Variants in TBC1D4 observed in about 807,000 individuals in gnomAD.
The protein encoded by TBC1D4 is TBC (Tre-2, BUB2, CDC16) domain-containing protein.
TBC1D4 carries 121 observed loss-of-function variants against 142.5 expected under a neutral mutation model. The observed-to-expected ratio is 0.85, with a 90% CI of 0.73 to 0.99. The LOEUF is 0.99. Among genes scored for constraint, TBC1D4 ranks in the 50% least tolerant of loss-of-function variants. The pLI is 0.00. For synonymous variants in TBC1D4, 630 were observed against 628.2 expected, an observed-to-expected ratio of 1.00 and a Z score of -0.04; for missense variants, 1,475 against 1,606.6, an observed-to-expected ratio of 0.92 and a Z score of 1.40.
intron 1 of TBC1D4, among the ~76,000 whole-genome samples, chr13:75,444,711 C>T (rs1222559395): frequency 2.6e-5 from 4 of 152,140 alleles, no homozygotes; most frequent in African/African-American, 9.6e-5. Flanking sequence ...AAGACAATAC[C>T]CCTGGCTCTG....
At chr13:75,399,363 T>TG (rs1198258879) in intron 1 of TBC1D4, among the ~76,000 whole-genome samples, 3 of 152,218 alleles carry the variant, frequency 2.0e-5, no homozygotes, top group African/African-American at 7.2e-5. Context: ...GACCAGTACC[T>TG]GTTCTACAGT....
At chr13:75,344,632 A>G (rs505675) in intron 5 of TBC1D4, among the ~76,000 whole-genome samples, 75,090 of 151,978 alleles carry the variant, frequency 0.49, 19,186 homozygotes, top group East Asian at 0.79. Flanking sequence ...GGGAAACAGC[A>G]TTCCCCTTCG....
At chr13:75,426,373 C>T (rs1886370677) in intron 1 of TBC1D4, among the ~76,000 whole-genome samples, 1 of 152,098 alleles carries the variant, frequency 6.6e-6, no homozygotes, top group Non-Finnish European at 1.5e-5. Context: ...TCAAAATAAC[C>T]ATAAGTGAAA....
chr13:75,379,885 C>CTTTTTTTTTT (rs1883718060), intron 1 of TBC1D4, among the ~76,000 whole-genome samples: 1 of 98,536 alleles, frequency 1.0e-5, no homozygotes. Flanking sequence ...GTTCATCTGA[C>CTTTTTTTTTT]TCTTTTTTTT....
chr13:75,366,477 T>G (rs1882916792), intron 1 of TBC1D4, among the ~76,000 whole-genome samples: 1 of 152,190 alleles, frequency 6.6e-6, no homozygotes, highest in South Asian at 2.1e-4. Context: ...TGATTAAACC[T>G]GAAGTAGTGT....
chr13:75,397,061 T>C (rs1210481107), intron 1 of TBC1D4, among the ~76,000 whole-genome samples: 1 of 151,950 alleles, frequency 6.6e-6, no homozygotes, highest in Non-Finnish European at 1.5e-5. Context: ...CTGAGGAGGA[T>C]CTAGGAAATG....
At position 75,285,015 on chromosome 13, in the gene TBC1D4, A is replaced by T. The variant is rs1282689108; in HGVS notation, c.*1777T>A. 3 of 151,914 alleles carry T rather than the reference A, an allele frequency of 2.0e-5. No homozygotes were observed. The highest frequency in any genetic ancestry group is 7.2e-5 in the African/African-American group (3 of 41,424). The allele number at this position is 151,914 out of a possible 1,614,324, so 9.4% of individuals were successfully genotyped here. A position where few individuals can be genotyped will look rare whatever the true frequency, so the allele number is the denominator to read the frequency against. On this transcript the variant is annotated 3_prime_UTR_variant, in exon 21 of 21. Transcript: ENST00000377636. ...CATCAACAGACCGTAAAAAGAAAAA[A>T]CCCCTCCTACAAATAGAGAAATTCT...
intron 1 of TBC1D4, among the ~76,000 whole-genome samples, chr13:75,415,469 A>G (rs987091024): frequency 6.6e-6 from 1 of 152,240 alleles, no homozygotes; most frequent in Non-Finnish European, 1.5e-5. Flanking sequence ...GAGTACTTCA[A>G]TCTCAGCATT....
In TBC1D4 at chr13:75,286,560, T is replaced by C. The variant is rs777942066; in HGVS notation, c.*232A>G. 1.4e-5 allele frequency: 6 copies of C among 437,238 alleles called. No homozygotes were observed. The highest frequency in any genetic ancestry group is 4.4e-5 in the South Asian group (1 of 22,830). 27.1% of individuals were successfully genotyped at this position (437,238 alleles called of 1,614,324 possible). ...GAAAGCATGAACTATGTTCATTTTATATATATATTTATATGTACATAGCAA... is the reference window on the plus strand; with the variant it reads ...GAAAGCATGAACTATGTTCATTTTACATATATATTTATATGTACATAGCAA... On this transcript the variant is annotated 3_prime_UTR_variant, in exon 21 of 21. Coordinates refer to ENST00000377636, the MANE Select transcript of TBC1D4 (RefSeq NM_014832.5).
At chr13:75,365,290 T>G (rs966564871) in intron 1 of TBC1D4, among the ~76,000 whole-genome samples, 1 of 151,950 alleles carries the variant, frequency 6.6e-6, no homozygotes, top group South Asian at 2.1e-4. Flanking sequence ...TTGAATGACA[T>G]GGGTTGCAGA....
intron 7 of TBC1D4, among the ~76,000 whole-genome samples, chr13:75,338,170 G>A (rs1031436096): frequency 5.3e-5 from 8 of 151,796 alleles, no homozygotes; most frequent in African/African-American, 1.7e-4. Flanking sequence ...AACTGAACTC[G>A]AGGCTTCAGC....
intron 12 of TBC1D4, among the ~76,000 whole-genome samples, chr13:75,317,667 C>T (rs1318513524): frequency 2.6e-5 from 4 of 152,178 alleles, no homozygotes; most frequent in African/African-American, 9.7e-5. Flanking sequence ...TCCCAAGATA[C>T]ATATTCAGGA....
At chr13:75,403,117 G>A (rs1029177043) in intron 1 of TBC1D4, among the ~76,000 whole-genome samples, 5 of 152,146 alleles carry the variant, frequency 3.3e-5, no homozygotes, top group African/African-American at 1.2e-4. Flanking sequence ...CAAACCAGCA[G>A]ACTGAACTGC....
intron 1 of TBC1D4, chr13:75,375,773 C>G (rs9565158): frequency 1.5e-5 from 2 of 133,838 alleles, no homozygotes; most frequent in South Asian, 4.7e-4. Flanking sequence ...CCCACCCCCC[C>G]CACACACACA....
At position 75,341,118 on chromosome 13, in the gene TBC1D4, T is replaced by C; in HGVS notation, c.1611+7A>G. ...AAAAGTAGGTGAAGTAGGAAATATCTTCTCACAGAAGGGCCTTCCCCGATG... is the reference window on the plus strand; with the variant it reads ...AAAAGTAGGTGAAGTAGGAAATATCCTCTCACAGAAGGGCCTTCCCCGATG... On this transcript the variant is annotated splice_region_variant and intron_variant, in intron 7 of 20. Coordinates refer to ENST00000377636, the MANE Select transcript of TBC1D4 (RefSeq NM_014832.5). The C allele has an allele frequency of 6.2e-7, 1 of 1,606,466 alleles. No individual in the cohort carries two copies. The highest frequency in any genetic ancestry group is 8.5e-7 in the Non-Finnish European group (1 of 1,174,280).
intron 11 of TBC1D4, among the ~76,000 whole-genome samples, chr13:75,321,955 C>T (rs550960001): frequency 6.6e-6 from 1 of 152,300 alleles, no homozygotes; most frequent in Non-Finnish European, 1.5e-5. Context: ...TGTATCATTC[C>T]ATTTATACAA....
chr13:75,395,640 G>A (rs1052176188), intron 1 of TBC1D4, among the ~76,000 whole-genome samples: 3 of 152,092 alleles, frequency 2.0e-5, no homozygotes, highest in African/African-American at 7.2e-5. Context: ...AGACCAGCCT[G>A]GACAACATGG....
chr13:75,368,361 T>C (rs188008382), intron 1 of TBC1D4, among the ~76,000 whole-genome samples: 4 of 152,326 alleles, frequency 2.6e-5, no homozygotes, highest in Non-Finnish European at 5.9e-5. Context: ...AGAGTATCTC[T>C]GTGACTTAAA....
chr13:75,417,355 C>G (rs577447800), intron 1 of TBC1D4, among the ~76,000 whole-genome samples: 1 of 152,292 alleles, frequency 6.6e-6, no homozygotes, highest in East Asian at 1.9e-4. Context: ...ACCACCTGCC[C>G]CGGGTAAGTG....
Sources: allele counts gnomAD v4.1 joint callset (sites outside exome capture counted in the v4.1 genomes callset), GRCh38; gene constraint gnomAD v4.1.1; transcripts MANE v1.5; gene names NCBI Gene and HGNC (gene_info 2026-07-23, HGNC 2026-07-21).